The following RBFOX1 variants were observed in gnomAD, a reference collection of about 807,000 sequenced individuals.
RBFOX1 encodes the protein RNA binding protein fox-1 homolog 1.
Under a neutral mutation model 57.7 loss-of-function variants are expected in RBFOX1, and 8 were observed. That is an observed-to-expected ratio of 0.14 (90% confidence interval 0.08 to 0.25). The LOEUF is 0.25. Ranked by LOEUF, RBFOX1 falls within the 10% of genes least tolerant of loss-of-function variation. The probability of loss-of-function intolerance (pLI) is 1.00; values close to 1 mark genes in which losing one functional copy is unlikely to be tolerated. For missense variants in RBFOX1, 611 were observed against 548.5 expected, an observed-to-expected ratio of 1.11 and a Z score of -1.14; for synonymous variants, 326 against 222.4, an observed-to-expected ratio of 1.47 and a Z score of -4.15.
At chr16:5,440,375 C>G (rs951428900) in intron 1 of RBFOX1, among the ~76,000 whole-genome samples, 2 of 152,170 alleles carry the variant, frequency 1.3e-5, no homozygotes, top group Non-Finnish European at 1.5e-5. Flanking sequence ...CCAAGTATCA[C>G]AAGTTTAGAG....
intron 4 of RBFOX1, among the ~76,000 whole-genome samples, chr16:7,269,037 C>A (rs1034175194): frequency 8.6e-6 from 1 of 116,744 alleles, no homozygotes; most frequent in Admixed American, 9.1e-5. Context: ...ACTCCATCTT[C>A]CATCTCAAAA....
chr16:6,887,908 C>T (rs1249078943), intron 3 of RBFOX1, among the ~76,000 whole-genome samples: 13 of 152,050 alleles, frequency 8.5e-5, no homozygotes, highest in East Asian at 3.9e-4. Flanking sequence ...GTGATCCACC[C>T]GTCATGGCCT....
intron 4 of RBFOX1, among the ~76,000 whole-genome samples, chr16:7,092,036 T>A (rs928308075): frequency 2.0e-5 from 3 of 152,048 alleles, no homozygotes; most frequent in African/African-American, 7.2e-5. Context: ...AGAAAAAAAA[T>A]AAATAGCACC....
chr16:6,665,155 A>G (rs532586522), intron 3 of RBFOX1, among the ~76,000 whole-genome samples: 1 of 152,120 alleles, frequency 6.6e-6, no homozygotes, highest in Non-Finnish European at 1.5e-5. Context: ...ATTAACTCCC[A>G]CCTGTGGAGA....
rs563074413 is a variant in RBFOX1 at position 6,902,058 on chromosome 16, T to C, written c.-15-149999T>C. On this transcript the variant is annotated intron_variant, in intron 3 of 15. Coordinates refer to ENST00000550418, the MANE Select transcript of RBFOX1 (RefSeq NM_018723.4). ...GCACTTTACCTGACATATGGAAATA[T>C]AAAGTTGCATACTTGATGTCGGCAT... Among the ~76,000 whole-genome samples the C allele has an allele frequency of 1.2e-4, 18 of 152,334 alleles. 2 individuals carry two copies. The highest frequency in any genetic ancestry group is 3.9e-4 in the East Asian group (2 of 5,182).
chr16:5,985,053 T>A (rs2152314062), intron 4 of RBFOX1, among the ~76,000 whole-genome samples: 1 of 146,828 alleles, frequency 6.8e-6, no homozygotes, highest in African/African-American at 2.5e-5. Context: ...TAGTGCGATC[T>A]TGGCTCACTT....
rs368771796 is a variant in RBFOX1 at position 7,699,294 on chromosome 16, C to T, written c.996-9762C>T. On this transcript the variant is annotated intron_variant, in intron 14 of 15. Coordinates refer to ENST00000550418, the MANE Select transcript of RBFOX1 (RefSeq NM_018723.4). ...TAATCCTGGACCTCCTGGGATCTAG[C>T]GATCCTCCCACTTCACCCTCCCTAG... Among the ~76,000 whole-genome samples, 106 of 152,198 alleles carry T rather than the reference C, an allele frequency of 7.0e-4. 2 individuals are homozygous for T. The highest frequency in any genetic ancestry group is 1.0e-3 in the African/African-American group (43 of 41,552).
At chr16:6,661,300 C>T (rs1411147734) in intron 3 of RBFOX1, among the ~76,000 whole-genome samples, 3 of 152,106 alleles carry the variant, frequency 2.0e-5, no homozygotes, top group African/African-American at 2.4e-5. Context: ...CAGGCTCTGT[C>T]GGTCTATGAA....
At chr16:7,471,183 C>T (rs2061493768) in intron 4 of RBFOX1, among the ~76,000 whole-genome samples, 1 of 152,182 alleles carries the variant, frequency 6.6e-6, no homozygotes, top group Admixed American at 6.5e-5. Flanking sequence ...ATGTGTCTGC[C>T]ATGCTCTTTT....
intron 1 of RBFOX1, among the ~76,000 whole-genome samples, chr16:5,297,482 C>A (rs1209749826): frequency 2.6e-5 from 4 of 152,116 alleles, no homozygotes; most frequent in Admixed American, 6.5e-5. Context: ...CTTACATTTC[C>A]TTTATAATTA....
chr16:5,288,183 C>T (rs1461992271), intron 1 of RBFOX1, among the ~76,000 whole-genome samples: 2 of 152,132 alleles, frequency 1.3e-5, no homozygotes, highest in Non-Finnish European at 2.9e-5. Flanking sequence ...TTCAGGAGCC[C>T]AGGAAGCAAA....
At chr16:6,329,185 C>A (rs2082716874) in intron 2 of RBFOX1, among the ~76,000 whole-genome samples, 1 of 152,254 alleles carries the variant, frequency 6.6e-6, no homozygotes, top group South Asian at 2.1e-4. Context: ...AAGTGGAAAG[C>A]AGTTGTTGTT....
chr16:7,674,312 C>G lies in RBFOX1; in HGVS notation c.931-2462C>G, dbSNP rs996933461. Among the ~76,000 whole-genome samples the G allele has an allele frequency of 7.2e-5, 11 of 152,288 alleles. No homozygotes were observed. The South Asian group carries it at 2.3e-3, about 32-fold the overall frequency. On this transcript the variant is annotated intron_variant, in intron 13 of 15. Transcript: ENST00000550418. ...CCACCAGTCCCCATGTGGCTATTTA[C>G]ATTTAAATTCAAATTAACTGAAAAG...
intron 1 of RBFOX1, among the ~76,000 whole-genome samples, chr16:5,336,394 C>T (rs1055546089): frequency 1.3e-5 from 2 of 152,178 alleles, no homozygotes; most frequent in Non-Finnish European, 2.9e-5. Context: ...TCCCCACTAT[C>T]CTCATCGGTA....
In RBFOX1 at chr16:7,489,026, T is replaced by A. The variant is rs138228458; in HGVS notation, c.28-29121T>A. On this transcript the variant is annotated intron_variant, in intron 4 of 15. Transcript: ENST00000550418. ...GTCATTATATCTACCTACCTATGCATCTATCTCTATCTTTATAAAATCTTG... is the reference window on the plus strand; with the variant it reads ...GTCATTATATCTACCTACCTATGCAACTATCTCTATCTTTATAAAATCTTG... 7.4e-4 allele frequency among the ~76,000 whole-genome samples: 113 copies of A among 152,312 alleles called. 1 individual carries two copies. Among genetic ancestry groups the A allele is most frequent in the East Asian group, 3.9e-4 (2 of 5,174 alleles).
chr16:7,410,230 A>G (rs1318723945), intron 4 of RBFOX1, among the ~76,000 whole-genome samples: 1 of 152,238 alleles, frequency 6.6e-6, no homozygotes, highest in African/African-American at 2.4e-5. Context: ...ACAGTGCTGT[A>G]GGCACTGCAT....
intron 2 of RBFOX1, among the ~76,000 whole-genome samples, chr16:6,376,834 T>C (rs2091238774): frequency 6.6e-6 from 1 of 152,156 alleles, no homozygotes; most frequent in Non-Finnish European, 1.5e-5. Context: ...GAAGAATTCT[T>C]GCTTTCCTCT....
intron 2 of RBFOX1, among the ~76,000 whole-genome samples, chr16:5,517,063 T>C (rs1209644424): frequency 6.6e-6 from 1 of 151,928 alleles, no homozygotes; most frequent in Non-Finnish European, 1.5e-5. Context: ...TAAAAATAAC[T>C]ATGAAATGGC....
chr16:6,866,748 T>C (rs2060001786), intron 3 of RBFOX1, among the ~76,000 whole-genome samples: 1 of 151,928 alleles, frequency 6.6e-6, no homozygotes, highest in African/African-American at 2.4e-5. Context: ...TTCACCGTGT[T>C]AGCCAGGATG....
Sources: gnomAD v4.1 joint callset for allele counts (sites outside exome capture counted in the v4.1 genomes callset) on GRCh38, gnomAD v4.1.1 for gene constraint, MANE v1.5 for transcripts, NCBI Gene and HGNC (gene_info 2026-07-23, HGNC 2026-07-21) for gene names.